GRIN2D: variants seen among roughly 807,000 people sequenced by gnomAD.
GRIN2D encodes the protein glutamate receptor ionotropic, NMDA 2D.
GRIN2D carries 37 observed loss-of-function variants against 103.2 expected under a neutral mutation model. The observed-to-expected ratio is 0.36, with a 90% CI of 0.28 to 0.47. GRIN2D has a LOEUF of 0.47. Among genes scored for constraint, GRIN2D ranks in the 20% least tolerant of loss-of-function variants. The pLI is 1.00. For missense variants in GRIN2D, 1,557 were observed against 1,910.6 expected (o/e 0.81, Z 3.45); for synonymous variants, 845 against 885.6 (o/e 0.95, Z 0.81).
In GRIN2D at chr19:48,443,568, G is replaced by T; in HGVS notation, c.3642G>T (p.Trp1214Cys). ...GGTGGGCGCCACCGCCTCCACCCTG[G>T]GCCGCCGGGCCCCTGCCCCGACGCC... is the stretch of plus-strand genomic sequence containing the variant. ...GGWWAPPPPP[W>C]AAGPLPRRRA... The change falls in exon 14 of 14, where the codon TGG becomes TGT. Residue 1214 changes from tryptophan (W) to cysteine (C), a missense_variant. Around this residue, in one of 7 missense-constraint regions of GRIN2D, gnomAD observed 632 missense variants for 572.8 expected, o/e 1.10. Coordinates refer to ENST00000263269, the MANE Select transcript of GRIN2D (RefSeq NM_000836.4). The surrounding 1 kb of genome is among the most constrained non-coding windows in gnomAD (Gnocchi z 8.9). 8.1e-7 allele frequency: 1 copy of T among 1,228,076 alleles called. No homozygotes were observed. 76.1% of individuals were successfully genotyped at this position (1,228,076 alleles called of 1,614,324 possible).
intron 3 of GRIN2D, among the ~76,000 whole-genome samples, chr19:48,402,847 G>C (rs1264516252): frequency 6.8e-6 from 1 of 148,002 alleles, no homozygotes; most frequent in Non-Finnish European, 1.5e-5. Flanking sequence ...CGAGCAATCT[G>C]TTTTTGACAT....
chr19:48,405,274 C>A lies in GRIN2D; in HGVS notation c.1006C>A (p.Arg336Ser), dbSNP rs1357633359. ...VVARGAQALL[R>S]DYGFLPELGH... ...GGCCAGAGGTGCCCAGGCCCTGCTG[C>A]GTGATTATGGTTTCCTTCCTGAGCT... Residue 336 changes from arginine (R) to serine (S), a missense_variant, in exon 4 of 14, where the codon CGT becomes AGT. Physicochemically the swap from Arg to Ser is moderately radical, Grantham distance 110. Around this residue, in one of 7 missense-constraint regions of GRIN2D, gnomAD observed 490 missense variants for 601.1 expected, o/e 0.82. Coordinates refer to ENST00000263269, the MANE Select transcript of GRIN2D (RefSeq NM_000836.4). The surrounding 1 kb of genome is among the most constrained non-coding windows in gnomAD (Gnocchi z 5.1). 4 of 1,600,552 alleles carry A rather than the reference C, an allele frequency of 2.5e-6. No homozygotes were observed. In the East Asian group the frequency reaches 9.0e-5, roughly 36 times the overall value.
At chr19:48,429,077 T>C (rs1341604090) in intron 11 of GRIN2D, among the ~76,000 whole-genome samples, 1 of 152,318 alleles carries the variant, frequency 6.6e-6, no homozygotes, top group Middle Eastern at 3.4e-3. Flanking sequence ...TTTCTCATTG[T>C]CATCTCTTGC....
At chr19:48,430,234 A>G (rs55810801) in intron 11 of GRIN2D, among the ~76,000 whole-genome samples, 199 of 151,832 alleles carry the variant, frequency 1.3e-3, no homozygotes, top group Non-Finnish European at 2.4e-3. Flanking sequence ...GGGTCTCACT[A>G]TGTTGCCCAG....
At position 48,405,626 on chromosome 19, in the gene GRIN2D, A is replaced by G. The variant is rs1970783131; in HGVS notation, c.1085+273A>G. Among the ~76,000 whole-genome samples, 1 of 152,232 alleles carries G rather than the reference A, an allele frequency of 6.6e-6. No individual in the cohort carries two copies. Among genetic ancestry groups the G allele is most frequent in the Admixed American group, 6.5e-5 (1 of 15,276 alleles). On this transcript the variant is annotated intron_variant, in intron 4 of 13. Coordinates refer to ENST00000263269, the MANE Select transcript of GRIN2D (RefSeq NM_000836.4). This position sits in a 1 kb window ranked among gnomAD's most constrained non-coding sequence, Gnocchi z 5.1. ...TGTCTTTGAAAACGAGATGTGTCTT[A>G]TAATTGATGACTTATCATGGCTTAA...
chr19:48,402,274 G>T (rs941574134), intron 3 of GRIN2D, among the ~76,000 whole-genome samples: 1 of 152,170 alleles, frequency 6.6e-6, no homozygotes, highest in Non-Finnish European at 1.5e-5. Flanking sequence ...GACAACTGGA[G>T]CTATCTTTGA....
Position 48,421,661 on chromosome 19 carries a change from G to A in GRIN2D, c.2092-124G>A, listed in dbSNP as rs1419560505. ...TTCCCTAATGTAGTGAGCGAGTGTT[G>A]AGAAATATTGAACACTCCTGGGACT... On this transcript the variant is annotated intron_variant, in intron 10 of 13. Transcript: ENST00000263269. The surrounding 1 kb of genome is among the most constrained non-coding windows in gnomAD (Gnocchi z 4.8). 1 of 743,716 alleles carries A rather than the reference G, an allele frequency of 1.3e-6. No individual in the cohort carries two copies. The highest frequency in any genetic ancestry group is 1.8e-5 in the African/African-American group (1 of 56,472). 46.1% of individuals were successfully genotyped at this position (743,716 alleles called of 1,614,324 possible).
rs193251410 is a variant in GRIN2D at position 48,424,758 on chromosome 19, C to T, written c.2252+2813C>T. Among the ~76,000 whole-genome samples, 120 of 152,280 alleles carry T rather than the reference C, an allele frequency of 7.9e-4. No individual in the cohort carries two copies. The South Asian group carries it at 0.013, about 17-fold the overall frequency. ...TGACCACATTTCAAGTGATCCACAGCCCTAGTGGCGTGTCACTGCTGCACT... is the reference window on the plus strand; with the variant it reads ...TGACCACATTTCAAGTGATCCACAGTCCTAGTGGCGTGTCACTGCTGCACT... On this transcript the variant is annotated intron_variant, in intron 11 of 13. Transcript: ENST00000263269.
intron 9 of GRIN2D, 39 bp downstream of exon 9, chr19:48,419,398 C>G (rs371876072): frequency 1.3e-6 from 2 of 1,580,142 alleles, no homozygotes; most frequent in Admixed American, 1.9e-5. Flanking sequence ...TCGGAGATCC[C>G]GAACCACAGA....
intron 11 of GRIN2D, among the ~76,000 whole-genome samples, chr19:48,429,689 G>A (rs1271991185): frequency 5.3e-5 from 8 of 151,672 alleles, no homozygotes; most frequent in African/African-American, 9.7e-5. Flanking sequence ...ATGAGCCACC[G>A]GGCCCGGCCT....
At chr19:48,433,025 A>C (rs1971177695) in intron 11 of GRIN2D, among the ~76,000 whole-genome samples, 1 of 142,398 alleles carries the variant, frequency 7.0e-6, no homozygotes, top group African/African-American at 2.6e-5. Context: ...TCCTGACCTC[A>C]AATGATCCAC....
chr19:48,404,360 T>C (rs1345184316), intron 3 of GRIN2D, among the ~76,000 whole-genome samples: 2 of 151,388 alleles, frequency 1.3e-5, no homozygotes, highest in Non-Finnish European at 2.9e-5. Flanking sequence ...TTCAGAGGAC[T>C]AAGCTTCAAG....
At chr19:48,441,715 C>A in intron 11 of GRIN2D, 54 bp from the exon 12 acceptor site, 1 of 1,452,338 alleles carries the variant, frequency 6.9e-7, no homozygotes, top group Non-Finnish European at 9.4e-7. Context: ...CCAGGCCTGG[C>A]GGCCAGGGCA....
intron 11 of GRIN2D, among the ~76,000 whole-genome samples, chr19:48,441,391 A>AAAGG (rs1373520715): frequency 6.6e-6 from 1 of 151,168 alleles, no homozygotes. Flanking sequence ...AAAAAGAAAG[A>AAAGG]AAAAGTCACA....
rs1181465915 is a variant in GRIN2D at position 48,405,059 on chromosome 19, G to A, written c.791G>A (p.Gly264Asp). 6.2e-7 allele frequency: 1 copy of A among 1,607,818 alleles called. No individual in the cohort carries two copies. The highest frequency in any genetic ancestry group is 1.7e-5 in the Admixed American group (1 of 59,394). ...GTGTTCCGCGCAGCTGAGGAGGCTGGCCTCACTGGATCTGGCTACGTCTGG... is the reference window on the plus strand; with the variant it reads ...GTGTTCCGCGCAGCTGAGGAGGCTGACCTCACTGGATCTGGCTACGTCTGG... ...EPVFRAAEEA[G>D]LTGSGYVWFM... Residue 264 changes from glycine to aspartate, a missense_variant, in exon 4 of 14, where the codon GGC (glycine) becomes GAC (aspartate). Physicochemically the swap from Gly to Asp is moderately conservative, Grantham distance 94 (BLOSUM62 -1). Around this residue, in one of 7 missense-constraint regions of GRIN2D, gnomAD observed 490 missense variants for 601.1 expected, o/e 0.82. Coordinates refer to ENST00000263269, the MANE Select transcript of GRIN2D (RefSeq NM_000836.4). The surrounding 1 kb of genome is among the most constrained non-coding windows in gnomAD (Gnocchi z 5.1).
At chr19:48,412,461 GAAAGAAAGAAAGAA>G (rs1970880719) in intron 4 of GRIN2D, among the ~76,000 whole-genome samples, 1 of 149,680 alleles carries the variant, frequency 6.7e-6, no homozygotes, top group African/African-American at 2.5e-5. Context: ...AAGAAAGAAA[GAAAGAAAGAAAGAA>G]AGAAAGAGAG....
Position 48,421,015 on chromosome 19 carries a change from G to A in GRIN2D, c.2092-770G>A, listed in dbSNP as rs1280729960. Among the ~76,000 whole-genome samples, 1 of 152,212 alleles carries A rather than the reference G, an allele frequency of 6.6e-6. No homozygotes were observed. The highest frequency in any genetic ancestry group is 1.5e-5 in the Non-Finnish European group (1 of 68,046). On this transcript the variant is annotated intron_variant, in intron 10 of 13. Transcript: ENST00000263269. This position sits in a 1 kb window ranked among gnomAD's most constrained non-coding sequence, Gnocchi z 4.8. ...GACTAAAGTGATTAACTAGCTGGGTGTCATGACCTATTAGAGGCTTGAGAA... is the reference window on the plus strand; with the variant it reads ...GACTAAAGTGATTAACTAGCTGGGTATCATGACCTATTAGAGGCTTGAGAA...
chr19:48,441,045 G>A (rs1971285035), intron 11 of GRIN2D, among the ~76,000 whole-genome samples: 1 of 152,040 alleles, frequency 6.6e-6, no homozygotes, highest in Non-Finnish European at 1.5e-5. Context: ...GCTATGGTGA[G>A]GAGTAAAGGA....
chr19:48,418,474 G>A (rs1970974839), intron 8 of GRIN2D, among the ~76,000 whole-genome samples: 1 of 152,096 alleles, frequency 6.6e-6, no homozygotes, highest in Admixed American at 6.6e-5. Flanking sequence ...GAGGGGCCAG[G>A]TCCTCTCTGT....
Sources: gnomAD v4.1 joint callset for allele counts (sites outside exome capture counted in the v4.1 genomes callset) on GRCh38, gnomAD v4.1.1 for gene constraint, gnomAD v4.1.1 regional missense constraint, Gnocchi (gnomAD v3.1) non-coding constraint, MANE v1.5 for transcripts, NCBI Gene and HGNC (gene_info 2026-07-23, HGNC 2026-07-21) for gene names.